CDH26: variants seen among roughly 807,000 people sequenced by gnomAD.
CDH26 encodes the protein cadherin-like protein 26.
A neutral mutation model predicts 90.3 loss-of-function variants in CDH26; 83 were observed. The observed-to-expected ratio is 0.92, with a 90% confidence interval of 0.77 to 1.10. The LOEUF is 1.10. Ranked by LOEUF, CDH26 falls within the 50% of genes least tolerant of loss-of-function variation. The pLI, the probability that CDH26 is intolerant of heterozygous loss-of-function variation, is 0.00. For missense variants in CDH26, 1,013 were observed against 1,037.6 expected, an observed-to-expected ratio of 0.98 and a Z score of 0.33; for synonymous variants, 397 against 396.3, an observed-to-expected ratio of 1.00 and a Z score of -0.02.
Position 59,992,630 on chromosome 20 carries a change from C to T in CDH26, c.1426+110C>T. ...CAGCAGAGAAAAGGATAAAATAAAC[C>T]TTGTTATCACTCTGCATCCATGCTG... On this transcript the variant is annotated intron_variant, in intron 10 of 17. Coordinates refer to ENST00000348616, the MANE Select transcript of CDH26 (RefSeq NM_177980.4). This position sits in a 1 kb window ranked among gnomAD's most constrained non-coding sequence, Gnocchi z 5.0. 9.4e-7 allele frequency: 1 copy of T among 1,063,914 alleles called. No homozygotes were observed. The highest frequency in any genetic ancestry group is 1.4e-6 in the Non-Finnish European group (1 of 720,586). The allele number at this position is 1,063,914 out of a possible 1,614,324, so 65.9% of individuals were successfully genotyped here. A position where few individuals can be genotyped will look rare whatever the true frequency, so the allele number is the denominator to read the frequency against.
intron 4 of CDH26, among the ~76,000 whole-genome samples, chr20:59,981,068 C>T (rs1156246201): frequency 6.6e-6 from 1 of 152,044 alleles, no homozygotes. Flanking sequence ...TTTCTAAACT[C>T]TCTATTCTGT....
chr20:59,994,378 C>T lies in CDH26; in HGVS notation c.1555C>T (p.His519Tyr). The change falls in exon 11 of 18, where the codon CAC becomes TAC. Residue 519 changes from histidine to tyrosine, a missense_variant. Coordinates refer to ENST00000348616, the MANE Select transcript of CDH26 (RefSeq NM_177980.4). ...TGAGTCTGCTGTGCATGAGCCCCTC[C>T]ACATCGAGGCAGAGGATCCGGACCT... Reference protein sequence around the residue: ...VCESAVHEPLHIEAEDPDLEP... With the variant: ...VCESAVHEPLYIEAEDPDLEP... 1 of 1,614,134 alleles carries T rather than the reference C, an allele frequency of 6.2e-7. No individual in the cohort carries two copies. Among genetic ancestry groups the T allele is most frequent in the Admixed American group, 1.7e-5 (1 of 60,020 alleles).
At chr20:60,018,702 CTTTTTTTTTTTTTTTTTTTT>C (rs55994712), downstream of CDH26, among the ~76,000 whole-genome samples, 8 of 17,790 alleles carry the variant, frequency 4.5e-4, no homozygotes, top group South Asian at 0.019. Context: ...CTCTTACTGC[CTTTTTTTTTTTTTTTTTTTT>C]TTTTTTTTTT....
chr20:59,985,501 A>G (rs548607192), intron 7 of CDH26, among the ~76,000 whole-genome samples: 1 of 152,084 alleles, frequency 6.6e-6, no homozygotes, highest in South Asian at 2.1e-4. Context: ...ACCAGATCTC[A>G]TGTGAACTCA....
intron 10 of CDH26, among the ~76,000 whole-genome samples, chr20:59,993,214 G>A (rs1227007996): frequency 6.6e-6 from 1 of 152,114 alleles, no homozygotes; most frequent in Non-Finnish European, 1.5e-5. Flanking sequence ...TCAGGGTTCC[G>A]TCATTCTGTT....
chr20:59,973,809 G>T (rs2061294176), intron 4 of CDH26, among the ~76,000 whole-genome samples: 1 of 152,152 alleles, frequency 6.6e-6, no homozygotes, highest in Non-Finnish European at 1.5e-5. Context: ...AGGCATTTAG[G>T]TTGATTTCAT....
At chr20:60,029,429 A>AGCACCTATAGTCAACAACG (rs2062024010) in intron 7 of CDH26, among the ~76,000 whole-genome samples, 2 of 120,106 alleles carry the variant, frequency 1.7e-5, no homozygotes, top group South Asian at 2.5e-4. Flanking sequence ...AGTCAACAAC[A>AGCACCTATAGTCAACAACG]TAGCACCTAT....
At chr20:59,958,879 G>T in intron 1 of CDH26, 84 bp downstream of exon 1, 1 of 1,389,920 alleles carries the variant, frequency 7.2e-7, no homozygotes, top group South Asian at 1.3e-5. Context: ...TAGGCTAAGG[G>T]AGGGGAGAGG....
At chr20:60,018,073 G>A (rs901820243), downstream of CDH26, among the ~76,000 whole-genome samples, 11 of 152,010 alleles carry the variant, frequency 7.2e-5, no homozygotes, top group African/African-American at 2.2e-4. Flanking sequence ...AAAAAAATGT[G>A]TATTCCGTAG....
At chr20:60,016,033 A>G (rs1016714528), downstream of CDH26, among the ~76,000 whole-genome samples, 2 of 152,182 alleles carry the variant, frequency 1.3e-5, no homozygotes, top group Non-Finnish European at 2.9e-5. Context: ...GTTTTGTAGT[A>G]TATTTTGAAG....
intron 2 of CDH26, 31 bp downstream of exon 2, chr20:59,969,054 T>A: frequency 7.0e-7 from 1 of 1,419,904 alleles, no homozygotes; most frequent in Non-Finnish European, 9.9e-7. Context: ...TCTTAATATA[T>A]AAAATCAGTC....
chr20:60,009,012 T>C (rs929778619), intron 17 of CDH26, among the ~76,000 whole-genome samples: 16 of 152,206 alleles, frequency 1.1e-4, no homozygotes, highest in Admixed American at 1.0e-3. Flanking sequence ...TGCGGGGAAA[T>C]TTCCATGTGT....
intron 1 of CDH26, among the ~76,000 whole-genome samples, chr20:59,966,764 C>T (rs1224689530): frequency 6.6e-6 from 1 of 152,210 alleles, no homozygotes; most frequent in Non-Finnish European, 1.5e-5. Context: ...TTGAAAATTG[C>T]TGCTACAGAG....
rs974854420 is a variant in CDH26, at chr20:60,013,717, G to A, written c.*987G>A. On this transcript the variant is annotated 3_prime_UTR_variant, in exon 18 of 18. Transcript: ENST00000348616. ...CCCTAAAATAAATCAGTAGAAACAT[G>A]TTTGCTGGTGAATCAGTGAAGCATT... 6.6e-6 allele frequency: 1 copy of A among 152,192 alleles called. No individual in the cohort carries two copies. The highest frequency in any genetic ancestry group is 2.4e-5 in the African/African-American group (1 of 41,446). 9.4% of individuals were successfully genotyped at this position (152,192 alleles called of 1,614,324 possible). A position where few individuals can be genotyped will look rare whatever the true frequency, so the allele number is the denominator to read the frequency against.
At position 59,996,630 on chromosome 20, in the gene CDH26, G is replaced by C. The variant is rs2061600861; in HGVS notation, c.1889-1G>C. On this transcript the variant is annotated splice_acceptor_variant, in intron 12 of 17. Coordinates refer to ENST00000348616, the MANE Select transcript of CDH26 (RefSeq NM_177980.4). LOFTEE classifies it high-confidence loss of function. ...TGTTTTTCCCCTTTGTCTTATAACA[G>C]TGGCTCTGCTTTTTCTGTTGCGATG... 6.2e-7 allele frequency: 1 copy of C among 1,614,100 alleles called. No individual in the cohort carries two copies. The highest frequency in any genetic ancestry group is 1.3e-5 in the African/African-American group (1 of 74,926).
intron 1 of CDH26, among the ~76,000 whole-genome samples, chr20:59,964,177 A>G (rs2061115814): frequency 6.6e-6 from 1 of 152,240 alleles, no homozygotes; most frequent in South Asian, 2.1e-4. Context: ...AATGATTTCT[A>G]TATAGGCCTC....
intron 17 of CDH26, among the ~76,000 whole-genome samples, chr20:60,007,711 C>T (rs2061771887): frequency 6.6e-6 from 1 of 151,742 alleles, no homozygotes; most frequent in African/African-American, 2.4e-5. Flanking sequence ...TCACTTTCGT[C>T]TCATCTGCTG....
intron 9 of CDH26, among the ~76,000 whole-genome samples, chr20:59,989,512 G>A (rs1484838532): frequency 2.0e-5 from 3 of 147,854 alleles, no homozygotes; most frequent in Non-Finnish European, 4.5e-5. Context: ...TCCGGCCTGG[G>A]CGACAGAGCG....
At chr20:60,006,392 T>C (rs2061750838) in intron 16 of CDH26, among the ~76,000 whole-genome samples, 1 of 152,204 alleles carries the variant, frequency 6.6e-6, no homozygotes, top group African/African-American at 2.4e-5. Context: ...GGAGGGGCAG[T>C]GTAGTTGAGG....
Sources: gnomAD v4.1 joint callset for allele counts (sites outside exome capture counted in the v4.1 genomes callset) on GRCh38, gnomAD v4.1.1 for gene constraint, Gnocchi (gnomAD v3.1) non-coding constraint, MANE v1.5 for transcripts, NCBI Gene and HGNC (gene_info 2026-07-23, HGNC 2026-07-21) for gene names.